The following RIPOR3 variants were observed in gnomAD, a reference collection of about 807,000 sequenced individuals.
The protein encoded by RIPOR3 is family with sequence similarity 65 member C.
Under a neutral mutation model 114.3 loss-of-function variants are expected in RIPOR3, and 95 were observed. The ratio of observed to expected loss-of-function variants is 0.83; its 90% CI spans 0.70 to 0.99. RIPOR3 has a LOEUF of 0.99. RIPOR3 is among the 50% of genes least tolerant of loss of function. RIPOR3 has a pLI of 0.00. For missense variants in RIPOR3, 1,252 were observed against 1,266.9 expected (o/e 0.99, Z 0.18); for synonymous variants, 575 against 543.8 (o/e 1.06, Z -0.80).
intron 1 of RIPOR3, among the ~76,000 whole-genome samples, chr20:50,682,881 C>T (rs1172872109): frequency 6.6e-6 from 1 of 151,966 alleles, no homozygotes; most frequent in African/African-American, 2.4e-5. Flanking sequence ...GCATGCACCA[C>T]CACACCTGGC....
chr20:50,597,276 T>G, intron 14 of RIPOR3: 1 of 289,134 alleles, frequency 3.5e-6, no homozygotes, highest in Non-Finnish European at 6.6e-6. Context: ...TCAAAGAACT[T>G]CTACTATATA....
Position 50,620,064 on chromosome 20 carries a change from A to G in RIPOR3, c.191T>C (p.Leu64Pro), listed in dbSNP as rs368002758. Residue 64 changes from leucine to proline, a missense_variant, in exon 3 of 22, where the codon CTG becomes CCG. Transcript: ENST00000327979. ...GTCTGCACAGACCGACCCCTTCCGC[A>G]GCGTGCCGTACATCTTGGAGGATTT... Reference protein sequence around the residue: ...PAKSSKMYGTLRKGSVCADPK... With the variant: ...PAKSSKMYGTPRKGSVCADPK... 2.5e-6 allele frequency: 4 copies of G among 1,614,176 alleles called. No homozygotes were observed. The Admixed American group carries it at 5.0e-5, about 20-fold the overall frequency.
chr20:50,607,161 CA>C (rs2083753492), intron 11 of RIPOR3, among the ~76,000 whole-genome samples: 2 of 152,198 alleles, frequency 1.3e-5, no homozygotes, highest in Non-Finnish European at 2.9e-5. Flanking sequence ...GACCCTCCAC[CA>C]GTAACAACTG....
At position 50,651,570 on chromosome 20, in the gene RIPOR3, G is replaced by A. The variant is rs542437066; in HGVS notation, c.4-20714C>T. ...GGTGGTTAGAGACAAGGGCTCTGGA[G>A]TCAGATGGAACGGTGTTCGAATCTT... On this transcript the variant is annotated intron_variant, in intron 1 of 21. Transcript: ENST00000327979. Among the ~76,000 whole-genome samples the A allele has an allele frequency of 1.8e-4, 28 of 152,338 alleles. No homozygotes were observed. In the South Asian group the frequency reaches 5.8e-3, roughly 32 times the overall value.
At chr20:50,667,640 C>T (rs369458220) in intron 1 of RIPOR3, among the ~76,000 whole-genome samples, 99 of 152,306 alleles carry the variant, frequency 6.5e-4, no homozygotes, top group African/African-American at 2.1e-3. Context: ...GCTCACTGTA[C>T]GGCCCCTGCA....
At chr20:50,632,399 G>A (rs1465132291) in intron 1 of RIPOR3, among the ~76,000 whole-genome samples, 1 of 152,240 alleles carries the variant, frequency 6.6e-6, no homozygotes, top group East Asian at 1.9e-4. Flanking sequence ...AGAGCTGGCT[G>A]TCTCTGTGCA....
intron 4 of RIPOR3, among the ~76,000 whole-genome samples, chr20:50,612,745 A>G (rs2084020736): frequency 6.6e-6 from 1 of 152,198 alleles, no homozygotes; most frequent in Admixed American, 6.5e-5. Context: ...TTCAACCCCA[A>G]AAAGTCCCAT....
intron 1 of RIPOR3, among the ~76,000 whole-genome samples, chr20:50,655,664 G>A (rs1249836748): frequency 1.4e-5 from 2 of 144,954 alleles, no homozygotes; most frequent in African/African-American, 2.7e-5. Flanking sequence ...CTCGGTTAGC[G>A]TGGGCTGTGT....
At chr20:50,640,627 C>A (rs2085156942) in intron 1 of RIPOR3, among the ~76,000 whole-genome samples, 1 of 148,778 alleles carries the variant, frequency 6.7e-6, no homozygotes, top group Admixed American at 6.7e-5. Flanking sequence ...GACACAGACC[C>A]TGCCCCCCTC....
chr20:50,625,165 G>A (rs1402507099), intron 2 of RIPOR3, among the ~76,000 whole-genome samples: 1 of 152,096 alleles, frequency 6.6e-6, no homozygotes, highest in East Asian at 1.9e-4. Flanking sequence ...CCGCCTCCTG[G>A]GCTCAAGTGA....
intron 4 of RIPOR3, among the ~76,000 whole-genome samples, chr20:50,614,010 G>A (rs1406002633): frequency 1.3e-5 from 2 of 152,024 alleles, no homozygotes; most frequent in Non-Finnish European, 2.9e-5. Context: ...ACGGCCGCTT[G>A]TTTGCTTGCT....
intron 1 of RIPOR3, among the ~76,000 whole-genome samples, chr20:50,656,268 TC>T (rs1242655346): frequency 1.3e-5 from 2 of 152,030 alleles, no homozygotes; most frequent in African/African-American, 4.8e-5. Context: ...TGGGTTTGAA[TC>T]CTAGCTCTGC....
chr20:50,683,895 A>G (rs2086935733), intron 1 of RIPOR3, among the ~76,000 whole-genome samples: 1 of 152,008 alleles, frequency 6.6e-6, no homozygotes, highest in African/African-American at 2.4e-5. Context: ...AACGTGGCCA[A>G]CATAGCAAAA....
chr20:50,623,755 G>A (rs1291724636), intron 2 of RIPOR3, among the ~76,000 whole-genome samples: 1 of 152,220 alleles, frequency 6.6e-6, no homozygotes, highest in Admixed American at 6.5e-5. Context: ...CTAAGTAACT[G>A]GGGGCACCTG....
At chr20:50,654,945 A>T (rs182687468) in intron 1 of RIPOR3, among the ~76,000 whole-genome samples, 30 of 152,250 alleles carry the variant, frequency 2.0e-4, no homozygotes, top group Admixed American at 1.6e-3. Flanking sequence ...GGGTTTCACC[A>T]TGTTGCCATG....
At chr20:50,682,220 T>C (rs1488758564) in intron 1 of RIPOR3, among the ~76,000 whole-genome samples, 6 of 152,178 alleles carry the variant, frequency 3.9e-5, no homozygotes, top group Non-Finnish European at 8.8e-5. Flanking sequence ...TAAATGCTGG[T>C]ATGCCATGGA....
At chr20:50,667,026 C>T (rs1462225764) in intron 1 of RIPOR3, among the ~76,000 whole-genome samples, 1 of 152,192 alleles carries the variant, frequency 6.6e-6, no homozygotes, top group African/African-American at 2.4e-5. Flanking sequence ...CTAACCTCCC[C>T]TACAAACAAA....
Position 50,664,798 on chromosome 20 carries a change from TG to T in RIPOR3, c.3+26327del, listed in dbSNP as rs543920539. Among the ~76,000 whole-genome samples the T allele has an allele frequency of 1.3e-3, 193 of 151,444 alleles. No individual in the cohort carries two copies. The Middle Eastern group carries it at 0.024, about 19-fold the overall frequency. On this transcript the variant is annotated intron_variant, in intron 1 of 21. Transcript: ENST00000327979. ...TGTCTGCCATGAAGTGGGAAATCGG[TG>T]GGGGAAGAAAAAAGAAACCCGGCTG...
At chr20:50,673,799 G>A (rs887912315) in intron 1 of RIPOR3, among the ~76,000 whole-genome samples, 46 of 152,220 alleles carry the variant, frequency 3.0e-4, no homozygotes, top group African/African-American at 8.9e-4. Flanking sequence ...CGCCAGGCCC[G>A]GCCTGGGAAG....
Sources: allele counts gnomAD v4.1 joint callset (sites outside exome capture counted in the v4.1 genomes callset), GRCh38; gene constraint gnomAD v4.1.1; transcripts MANE v1.5; gene names NCBI Gene and HGNC (gene_info 2026-07-23, HGNC 2026-07-21).